COG5: variants seen among roughly 807,000 people sequenced by gnomAD.
COG5 encodes component of oligomeric golgi complex 5.
A neutral mutation model predicts 110.4 loss-of-function variants in COG5; 86 were observed. The observed-to-expected ratio is 0.78, with a 90% CI of 0.65 to 0.93. The LOEUF (loss-of-function observed/expected upper bound fraction) is 0.93, where lower values mean the gene tolerates loss of function less well. Ranked by LOEUF, COG5 falls within the 40% of genes least tolerant of loss-of-function variation. The pLI is 0.00. For missense variants in COG5, 1,077 were observed against 987.0 expected, an observed-to-expected ratio of 1.09 and a Z score of -1.22; for synonymous variants, 360 against 334.6, an observed-to-expected ratio of 1.08 and a Z score of -0.83.
At chr7:107,530,500 C>G (rs1223575405) in intron 5 of COG5, among the ~76,000 whole-genome samples, 2 of 147,644 alleles carry the variant, frequency 1.4e-5, no homozygotes, top group Admixed American at 7.0e-5. Context: ...ACTTGGGAGG[C>G]TGAGGCAGAA....
intron 6 of COG5, among the ~76,000 whole-genome samples, chr7:107,448,772 T>G (rs1795158384): frequency 6.6e-6 from 1 of 152,046 alleles, no homozygotes; most frequent in Admixed American, 6.6e-5. Flanking sequence ...TCCCAATAAA[T>G]ACATTGGAAA....
At chr7:107,378,010 T>C (rs1814773956) in intron 7 of COG5, among the ~76,000 whole-genome samples, 1 of 152,162 alleles carries the variant, frequency 6.6e-6, no homozygotes, top group Non-Finnish European at 1.5e-5. Flanking sequence ...AGACATCTCA[T>C]ACAGGAGAAC....
intron 11 of COG5, among the ~76,000 whole-genome samples, chr7:107,318,737 A>G (rs932113321): frequency 1.3e-5 from 2 of 152,176 alleles, no homozygotes; most frequent in Admixed American, 1.3e-4. Context: ...TTATAAGGAC[A>G]GTAATCCTAT....
intron 16 of COG5, among the ~76,000 whole-genome samples, chr7:107,251,460 T>C (rs1356312615): frequency 6.6e-6 from 1 of 152,160 alleles, no homozygotes; most frequent in East Asian, 1.9e-4. Flanking sequence ...GAAGTATCCA[T>C]TCTTTTGTTT....
chr7:107,495,590 A>G (rs937896404), intron 6 of COG5, among the ~76,000 whole-genome samples: 1 of 152,204 alleles, frequency 6.6e-6, no homozygotes. Flanking sequence ...AAAAGGAAAA[A>G]AAAAGTCAAT....
intron 5 of COG5, 28 bp downstream of exon 5, chr7:107,548,083 G>T: frequency 6.4e-7 from 1 of 1,573,338 alleles, no homozygotes; most frequent in Non-Finnish European, 8.7e-7. Context: ...GAATAATAAA[G>T]TATAAAGAAA....
chr7:107,323,525 C>T (rs1260683006), intron 11 of COG5, among the ~76,000 whole-genome samples: 1 of 151,980 alleles, frequency 6.6e-6, no homozygotes, highest in Non-Finnish European at 1.5e-5. Context: ...AGCAAGACTC[C>T]GTCTGGAAAA....
At chr7:107,383,354 A>T (rs1179535825) in intron 7 of COG5, among the ~76,000 whole-genome samples, 1 of 152,182 alleles carries the variant, frequency 6.6e-6, no homozygotes, top group African/African-American at 2.4e-5. Flanking sequence ...AGATGACAAC[A>T]GAGGTTAAAA....
chr7:107,411,049 C>G (rs146732867), intron 7 of COG5, among the ~76,000 whole-genome samples: 11 of 152,228 alleles, frequency 7.2e-5, no homozygotes, highest in African/African-American at 2.4e-4. Flanking sequence ...GGAGAGAAAA[C>G]AGTACTGCTG....
At chr7:107,299,512 T>C (rs946930606) in intron 11 of COG5, among the ~76,000 whole-genome samples, 1 of 152,050 alleles carries the variant, frequency 6.6e-6, no homozygotes, top group Non-Finnish European at 1.5e-5. Flanking sequence ...AGCACTATAC[T>C]TGTTGATTCT....
chr7:107,551,506 T>C (rs949476682), intron 3 of COG5, among the ~76,000 whole-genome samples: 1 of 152,204 alleles, frequency 6.6e-6, no homozygotes, highest in Admixed American at 6.5e-5. Context: ...TAGAATAATA[T>C]TCAATTTTTC....
chr7:107,376,974 A>G (rs1350674157), intron 7 of COG5, among the ~76,000 whole-genome samples: 2 of 152,142 alleles, frequency 1.3e-5, no homozygotes, highest in African/African-American at 4.8e-5. Flanking sequence ...TACATTTACT[A>G]ACACTTTGCT....
chr7:107,340,992 A>G (rs1351954069), intron 10 of COG5, among the ~76,000 whole-genome samples: 1 of 152,140 alleles, frequency 6.6e-6, no homozygotes, highest in Admixed American at 6.6e-5. Context: ...CCACTCTCAC[A>G]ACTCCTATTC....
intron 11 of COG5, among the ~76,000 whole-genome samples, chr7:107,316,709 A>G (rs951570675): frequency 1.0e-4 from 15 of 150,432 alleles, no homozygotes; most frequent in Non-Finnish European, 1.5e-4. Context: ...GCGGGCGGCT[A>G]TAGTCCCAGC....
intron 6 of COG5, among the ~76,000 whole-genome samples, chr7:107,452,819 C>T (rs145664088): frequency 2.0e-4 from 31 of 152,306 alleles, no homozygotes; most frequent in African/African-American, 7.5e-4. Context: ...GAAAGGCTGT[C>T]TCTTTGTATG....
At chr7:107,219,039 A>G (rs1190565629) in intron 19 of COG5, among the ~76,000 whole-genome samples, 1 of 152,188 alleles carries the variant, frequency 6.6e-6, no homozygotes, top group Admixed American at 6.5e-5. Context: ...AAAAACCTGA[A>G]TAGATGTTTC....
At chr7:107,476,199 A>G (rs1796980496) in intron 6 of COG5, among the ~76,000 whole-genome samples, 1 of 148,300 alleles carries the variant, frequency 6.7e-6, no homozygotes, top group South Asian at 2.1e-4. Context: ...AAAAAAAAAA[A>G]AAAAAAAAGA....
At chr7:107,439,661 T>A (rs897599295) in intron 6 of COG5, among the ~76,000 whole-genome samples, 34 of 152,228 alleles carry the variant, frequency 2.2e-4, no homozygotes, top group African/African-American at 7.9e-4. Context: ...ATGTAAAATA[T>A]AATTAATAGA....
chr7:107,258,200 A>C, intron 15 of COG5, 73 bp downstream of exon 15: 1 of 885,782 alleles, frequency 1.1e-6, no homozygotes, highest in Admixed American at 1.8e-5. Flanking sequence ...CTAAATAACA[A>C]TTTGTAAACT....
Sources: allele counts gnomAD v4.1 joint callset (sites outside exome capture counted in the v4.1 genomes callset), GRCh38; gene constraint gnomAD v4.1.1; transcripts MANE v1.5; gene names NCBI Gene and HGNC (gene_info 2026-07-23, HGNC 2026-07-21).